The following CEP170B variants were observed in gnomAD, a reference collection of about 807,000 sequenced individuals.
CEP170B encodes centrosomal protein of 170 kDa protein B.
Under a neutral mutation model 120.6 loss-of-function variants are expected in CEP170B, and 55 were observed. The observed-to-expected ratio is 0.46, with a 90% CI of 0.37 to 0.57. The LOEUF is 0.57. Among genes scored for constraint, CEP170B ranks in the 20% least tolerant of loss-of-function variants. CEP170B has a pLI of 0.00. For missense variants in CEP170B, 2,212 were observed against 2,253.3 expected, an observed-to-expected ratio of 0.98 and a Z score of 0.37; for synonymous variants, 1,033 against 954.5, an observed-to-expected ratio of 1.08 and a Z score of -1.52.
intron 2 of CEP170B, among the ~76,000 whole-genome samples, chr14:104,871,018 T>C (rs1419882976): frequency 7.1e-6 from 1 of 140,090 alleles, no homozygotes; most frequent in Non-Finnish European, 1.5e-5. Context: ...TACAGCCCCA[T>C]GTCCAGCCCC....
chr14:104,889,106 G>T (rs544558432), intron 12 of CEP170B, among the ~76,000 whole-genome samples: 2 of 152,336 alleles, frequency 1.3e-5, no homozygotes, highest in Non-Finnish European at 2.9e-5. Flanking sequence ...CAGTGGCCTT[G>T]CTTGCGCTCT....
chr14:104,890,566 G>GGATGGA (rs1896783465), intron 13 of CEP170B, among the ~76,000 whole-genome samples: 2 of 78,076 alleles, frequency 2.6e-5, no homozygotes, highest in African/African-American at 1.1e-4. Context: ...GGGTGGGTGG[G>GGATGGA]TGGATGGATG....
rs201533315 is a variant in CEP170B at position 104,893,104 on chromosome 14, C to G, written c.4007C>G (p.Thr1336Ser). ...HSASLSNMPS[T>S]PASTISAREE... ...GCCTCCCTCAGCAACATGCCCAGCA[C>G]CCCCGCCTCGACCATCTCTGCCCGG... The change falls in exon 14 of 19, where the codon ACC (threonine) becomes AGC (serine). Residue 1336 changes from threonine (T) to serine (S), a missense_variant. Physicochemically the swap from Thr to Ser is moderately conservative, Grantham distance 58. Transcript: ENST00000414716. The G allele has an allele frequency of 1.2e-6, 2 of 1,609,240 alleles. No homozygotes were observed. The highest frequency in any genetic ancestry group is 4.5e-5 in the East Asian group (2 of 44,816).
In CEP170B at chr14:104,887,709, C is replaced by A; in HGVS notation, c.3470C>A (p.Ala1157Asp). 1 of 1,586,240 alleles carries A rather than the reference C, an allele frequency of 6.3e-7. No individual in the cohort carries two copies. The highest frequency in any genetic ancestry group is 8.6e-7 in the Non-Finnish European group (1 of 1,168,320). The change falls in exon 12 of 19, where the codon GCT becomes GAT. Residue 1157 changes from alanine (A) to aspartate (D), a missense_variant. Around this residue, in one of 2 missense-constraint regions of CEP170B, gnomAD observed 2,166 missense variants for 2,166.7 expected, o/e 1.00. Coordinates refer to ENST00000414716, the MANE Select transcript of CEP170B (RefSeq NM_001112726.3). ...LGNPEPVGRP[A>D]AEQAKKLSRL... ...AACCCTGAGCCCGTGGGCCGGCCAG[C>A]TGCTGAGCAGGCCAAGAAGCTGTCA...
intron 6 of CEP170B, among the ~76,000 whole-genome samples, chr14:104,882,390 G>A (rs576580163): frequency 2.2e-4 from 34 of 152,194 alleles, no homozygotes; most frequent in African/African-American, 7.7e-4. Context: ...GCAGGACGGA[G>A]GTGGGGGGCC....
chr14:104,892,956 G>T lies in CEP170B; in HGVS notation c.3879-20G>T. The T allele has an allele frequency of 6.4e-7, 1 of 1,554,040 alleles. No individual in the cohort carries two copies. The highest frequency in any genetic ancestry group is 8.7e-7 in the Non-Finnish European group (1 of 1,149,306). On this transcript the variant is annotated intron_variant, in intron 13 of 18. Coordinates refer to ENST00000414716, the MANE Select transcript of CEP170B (RefSeq NM_001112726.3). ...CGACTTCCTCTGTGCAGAACCTGCCGTCTTTCCTGCCGGCTGCAGGCTGAG... is the reference window on the plus strand; with the variant it reads ...CGACTTCCTCTGTGCAGAACCTGCCTTCTTTCCTGCCGGCTGCAGGCTGAG...
Position 104,883,042 on chromosome 14 carries a change from C to T in CEP170B, c.585C>T (p.Pro195=), listed in dbSNP as rs760841304. ...GACATCTTCCCACACCAGAGCGCCC[C>T]AAGGGACCAGTGCAGCAGGACGGGG... ...QRQGEPYPER[P]KGPVQQDGEL... Residue 195 remains proline (P), a synonymous_variant, in exon 8 of 19, where the codon CCC becomes CCT. Coordinates refer to ENST00000414716, the MANE Select transcript of CEP170B (RefSeq NM_001112726.3). 2.0e-6 allele frequency: 3 copies of T among 1,521,630 alleles called. No individual in the cohort carries two copies. Among genetic ancestry groups the T allele is most frequent in the Non-Finnish European group, 1.8e-6 (2 of 1,135,236 alleles). The allele number at this position is 1,521,630 out of a possible 1,614,324, so 94.3% of individuals were successfully genotyped here.
At position 104,870,414 on chromosome 14, in the gene CEP170B, G is replaced by A. The variant is rs2841227; in HGVS notation, c.105+1859G>A. Among the ~76,000 whole-genome samples the A allele has an allele frequency of 0.55, 83,402 of 152,120 alleles. 24,320 individuals are homozygous for A. The highest frequency in any genetic ancestry group is 0.78 in the Middle Eastern group (229 of 294). On this transcript the variant is annotated intron_variant, in intron 2 of 18. Coordinates refer to ENST00000414716, the MANE Select transcript of CEP170B (RefSeq NM_001112726.3). This position sits in a 1 kb window ranked among gnomAD's most constrained non-coding sequence, Gnocchi z 4.1. ...ACATACCCCACTGCCTCATGGGGCC[G>A]CAGCTGTATTTGGCGGGTTGCTCCC...
upstream of CEP170B, among the ~76,000 whole-genome samples, chr14:104,864,543 C>T (rs1205971111): frequency 6.6e-6 from 1 of 152,192 alleles, no homozygotes; most frequent in Non-Finnish European, 1.5e-5. This position sits in a 1 kb window ranked among gnomAD's most constrained non-coding sequence, Gnocchi z 5.9. Context: ...GCGAGCAGTC[C>T]GCGGGAACTT....
intron 13 of CEP170B, 83 bp from the exon 14 acceptor site, chr14:104,892,893 T>C: frequency 6.9e-7 from 1 of 1,453,558 alleles, no homozygotes; most frequent in South Asian, 1.2e-5. Context: ...GCCTGGGAGC[T>C]GGGAGGGGCT....
Position 104,896,285 on chromosome 14 carries a change from T to G in CEP170B, c.*1327T>G, listed in dbSNP as rs1897070440. ...CTGGGGTTGGGTGTACGGGTTCTGTTCCTCTGAGCCTGCGGCCCACCTGAT... is the reference window on the plus strand; with the variant it reads ...CTGGGGTTGGGTGTACGGGTTCTGTGCCTCTGAGCCTGCGGCCCACCTGAT... On this transcript the variant is annotated 3_prime_UTR_variant, in exon 19 of 19. Transcript: ENST00000414716. The G allele has an allele frequency of 6.8e-6, 1 of 146,016 alleles. No homozygotes were observed. Among genetic ancestry groups the G allele is most frequent in the African/African-American group, 2.3e-4 (1 of 4,302 alleles). The allele number at this position is 146,016 out of a possible 1,614,324, so 9.0% of individuals were successfully genotyped here. A position where few individuals can be genotyped will look rare whatever the true frequency, so the allele number is the denominator to read the frequency against.
chr14:104,872,316 T>C (rs1294886149), intron 2 of CEP170B, among the ~76,000 whole-genome samples: 2 of 70,084 alleles, frequency 2.9e-5, no homozygotes, highest in African/African-American at 4.7e-5. Context: ...TGTGCGTGTG[T>C]GCCGTGGGTG....
At chr14:104,873,248 CG>C (rs1169256922) in intron 2 of CEP170B, among the ~76,000 whole-genome samples, 3 of 75,170 alleles carry the variant, frequency 4.0e-5, no homozygotes, top group African/African-American at 1.6e-4. Context: ...CAGGGTCCTG[CG>C]GGGGGACTCT....
intron 16 of CEP170B, 98 bp downstream of exon 16, chr14:104,893,947 A>C: frequency 1.8e-6 from 2 of 1,136,740 alleles, no homozygotes; most frequent in Non-Finnish European, 2.6e-6. Context: ...CAGCGGTTTC[A>C]TGGGTACTCG....
intron 9 of CEP170B, among the ~76,000 whole-genome samples, chr14:104,884,934 C>T (rs188729656): frequency 2.6e-5 from 2 of 76,112 alleles, no homozygotes; most frequent in African/African-American, 5.0e-5. Flanking sequence ...CGAGTGAGAG[C>T]ACTCGTGGGG....
Position 104,868,691 on chromosome 14 carries a change from T to TA in CEP170B, c.105+138dup. The stretch of plus-strand genomic sequence containing the variant: ...GCCATGCAGCCCAGGCTGGGCCTCT[T>TA]AACTTGGGTCCCGGATGCACCGAGG... On this transcript the variant is annotated intron_variant, in intron 2 of 18. Transcript: ENST00000414716. The surrounding 1 kb of genome is among the most constrained non-coding windows in gnomAD (Gnocchi z 5.9). 1.2e-6 allele frequency: 1 copy of TA among 827,612 alleles called. No homozygotes were observed. Among genetic ancestry groups the TA allele is most frequent in the Non-Finnish European group, 1.9e-6 (1 of 536,538 alleles). 51.3% of individuals were successfully genotyped at this position (827,612 alleles called of 1,614,324 possible). A position where few individuals can be genotyped will look rare whatever the true frequency, so the allele number is the denominator to read the frequency against.
intron 18 of CEP170B, 40 bp downstream of exon 18, chr14:104,894,628 C>G: frequency 1.2e-6 from 2 of 1,601,618 alleles, no homozygotes; most frequent in East Asian, 2.2e-5. Context: ...GGGAGGCTGG[C>G]AGGGCCTTGT....
upstream of CEP170B, chr14:104,865,138 G>A (rs1895130058): frequency 6.7e-6 from 1 of 149,936 alleles, no homozygotes; most frequent in African/African-American, 2.4e-5. The surrounding 1 kb of genome is among the most constrained non-coding windows in gnomAD (Gnocchi z 6.7). Flanking sequence ...GGGCTCACCT[G>A]GCGGCCGCGG....
rs3742938 is a variant in CEP170B, at chr14:104,892,968, G to T, written c.3879-8G>T. ...TGCAGAACCTGCCGTCTTTCCTGCCGGCTGCAGGCTGAGCCAGACGCTGGT... is the reference window on the plus strand; with the variant it reads ...TGCAGAACCTGCCGTCTTTCCTGCCTGCTGCAGGCTGAGCCAGACGCTGGT... On this transcript the variant is annotated splice_polypyrimidine_tract_variant and splice_region_variant and intron_variant, in intron 13 of 18. Transcript: ENST00000414716. The T allele has an allele frequency of 2.4e-5, 38 of 1,557,452 alleles. No individual in the cohort carries two copies. Among genetic ancestry groups the T allele is most frequent in the Non-Finnish European group, 3.0e-5 (34 of 1,151,396 alleles).
Sources: allele counts gnomAD v4.1 joint callset (sites outside exome capture counted in the v4.1 genomes callset), GRCh38; gene constraint gnomAD v4.1.1; regional missense constraint gnomAD v4.1.1; non-coding constraint Gnocchi (gnomAD v3.1); transcripts MANE v1.5; gene names NCBI Gene and HGNC (gene_info 2026-07-23, HGNC 2026-07-21).